B3GNT2: variants seen among roughly 807,000 people sequenced by gnomAD.
B3GNT2 encodes the protein UDP-GlcNAc:betaGal beta-1,3-N-acetylglucosaminyltransferase 2.
In B3GNT2, 12 loss-of-function variants were observed where a neutral mutation model predicts 27.6. That is an observed-to-expected ratio of 0.44 (90% CI 0.28 to 0.71). The LOEUF (loss-of-function observed/expected upper bound fraction) is 0.71, where lower values mean the gene tolerates loss of function less well. B3GNT2 is among the 30% of genes least tolerant of loss of function. The pLI, the probability that B3GNT2 is intolerant of heterozygous loss-of-function variation, is 0.17. For missense variants in B3GNT2, 413 were observed against 488.5 expected, an observed-to-expected ratio of 0.85 and a Z score of 1.46; for synonymous variants, 192 against 189.7, an observed-to-expected ratio of 1.01 and a Z score of -0.10.
intron 1 of B3GNT2, among the ~76,000 whole-genome samples, chr2:62,198,784 G>A (rs1414490654): frequency 1.3e-5 from 2 of 152,000 alleles, no homozygotes; most frequent in Non-Finnish European, 2.9e-5. Context: ...TGACTATACT[G>A]TTCAGATATG....
At chr2:62,215,147 T>C (rs770627650) in intron 1 of B3GNT2, among the ~76,000 whole-genome samples, 9 of 152,220 alleles carry the variant, frequency 5.9e-5, no homozygotes, top group Non-Finnish European at 1.0e-4. Flanking sequence ...CTTTGATCTA[T>C]AATGTTGCCT....
chr2:62,215,357 G>A (rs1674552966), intron 1 of B3GNT2, among the ~76,000 whole-genome samples: 1 of 152,148 alleles, frequency 6.6e-6, no homozygotes, highest in Admixed American at 6.5e-5. Flanking sequence ...AGGGAGTCCT[G>A]AGGCTCCCTT....
Position 62,209,131 on chromosome 2 carries a change from G to A in B3GNT2, c.-10+12776G>A, listed in dbSNP as rs190078936. Among the ~76,000 whole-genome samples, 4 of 152,260 alleles carry A rather than the reference G, an allele frequency of 2.6e-5. No homozygotes were observed. In the East Asian group the frequency reaches 7.7e-4, roughly 29 times the overall value. On this transcript the variant is annotated intron_variant, in intron 1 of 1. Transcript: ENST00000301998. ...CTAGTAGCTGGGATTACAGACATGAGCCACCATACCCGGCTAATTTCGGGC... is the reference window on the plus strand; with the variant it reads ...CTAGTAGCTGGGATTACAGACATGAACCACCATACCCGGCTAATTTCGGGC...
At chr2:62,209,786 T>A (rs2104197155) in intron 1 of B3GNT2, among the ~76,000 whole-genome samples, 2 of 152,284 alleles carry the variant, frequency 1.3e-5, no homozygotes, top group East Asian at 3.9e-4. Context: ...CTGATCTCCC[T>A]TCACTGCAGG....
intron 1 of B3GNT2, among the ~76,000 whole-genome samples, chr2:62,211,352 T>TC (rs1291373862): frequency 5.4e-5 from 8 of 148,186 alleles, no homozygotes; most frequent in Admixed American, 6.7e-5. Context: ...TAAGACCCTG[T>TC]CCCCCCCGTC....
chr2:62,217,045 T>TTTTG (rs1674589772), intron 1 of B3GNT2, among the ~76,000 whole-genome samples: 1 of 152,252 alleles, frequency 6.6e-6, no homozygotes, highest in Non-Finnish European at 1.5e-5. Flanking sequence ...GGGGGCTGCA[T>TTTTG]TTTGCCCAGA....
chr2:62,197,065 A>G (rs1183613555), intron 1 of B3GNT2, among the ~76,000 whole-genome samples: 1 of 146,612 alleles, frequency 6.8e-6, no homozygotes, highest in Non-Finnish European at 1.5e-5. Flanking sequence ...GCGTTGAATG[A>G]TTAACCAGGC....
intron 1 of B3GNT2, among the ~76,000 whole-genome samples, chr2:62,200,529 A>G (rs139241116): frequency 7.2e-5 from 11 of 152,342 alleles, no homozygotes; most frequent in Non-Finnish European, 8.8e-5. Context: ...TTTAGTGGTT[A>G]AGAGCATAAA....
chr2:62,205,645 A>G (rs983078949), intron 1 of B3GNT2, among the ~76,000 whole-genome samples: 14 of 152,100 alleles, frequency 9.2e-5, no homozygotes, highest in African/African-American at 3.1e-4. Flanking sequence ...ACATCACTAG[A>G]AGTGTTTTCC....
intron 1 of B3GNT2, among the ~76,000 whole-genome samples, chr2:62,198,918 A>C (rs1179898584): frequency 2.0e-5 from 3 of 152,148 alleles, no homozygotes; most frequent in African/African-American, 7.2e-5. Context: ...TGTTTCTCAA[A>C]CTTTGAAACT....
At chr2:62,197,865 G>C (rs1674184780) in intron 1 of B3GNT2, among the ~76,000 whole-genome samples, 1 of 152,230 alleles carries the variant, frequency 6.6e-6, no homozygotes, top group Non-Finnish European at 1.5e-5. Context: ...ACTTCCCATT[G>C]TCCTAACTCC....
intron 1 of B3GNT2, among the ~76,000 whole-genome samples, chr2:62,203,602 C>T (rs1171679518): frequency 2.6e-5 from 4 of 151,992 alleles, no homozygotes; most frequent in Non-Finnish European, 5.9e-5. Flanking sequence ...TGCGAAGATT[C>T]TAGAAGGTGA....
intron 1 of B3GNT2, among the ~76,000 whole-genome samples, chr2:62,196,576 CT>C (rs1446161570): frequency 6.6e-6 from 1 of 152,256 alleles, no homozygotes; most frequent in Non-Finnish European, 1.5e-5. Context: ...CCTCCCTTAC[CT>C]TCCCGCCGTC....
At chr2:62,198,463 C>G (rs1350305641) in intron 1 of B3GNT2, among the ~76,000 whole-genome samples, 2 of 152,172 alleles carry the variant, frequency 1.3e-5, no homozygotes, top group Non-Finnish European at 2.9e-5. Flanking sequence ...ATCGACTTCC[C>G]CTTACCAAAA....
At chr2:62,205,075 C>G (rs1573259832) in intron 1 of B3GNT2, among the ~76,000 whole-genome samples, 1 of 152,146 alleles carries the variant, frequency 6.6e-6, no homozygotes, top group Admixed American at 6.5e-5. Flanking sequence ...GGCAGACCGG[C>G]GAGATTGGAA....
intron 1 of B3GNT2, among the ~76,000 whole-genome samples, chr2:62,216,459 A>T (rs1674574569): frequency 6.6e-6 from 1 of 151,448 alleles, no homozygotes; most frequent in Admixed American, 6.6e-5. Flanking sequence ...AGCCTGGAGT[A>T]CGGTGGTACA....
intron 1 of B3GNT2, among the ~76,000 whole-genome samples, chr2:62,216,726 G>A (rs1461289760): frequency 2.0e-5 from 3 of 152,172 alleles, no homozygotes; most frequent in Non-Finnish European, 4.4e-5. Context: ...TTAATAGAAC[G>A]GTGGGACAGT....
chr2:62,222,817 A>G lies in B3GNT2; in HGVS notation c.597A>G (p.Lys199=). The G allele has an allele frequency of 1.9e-6, 3 of 1,614,176 alleles. No homozygotes were observed. The highest frequency in any genetic ancestry group is 2.5e-6 in the Non-Finnish European group (3 of 1,180,030). The stretch of plus-strand genomic sequence containing the variant: ...ACCCCGACCTTTCAGATATGCTGAA[A>G]TTTGAGAGTGAGAAGCACCAAGACA... ...DNHPDLSDML[K]FESEKHQDIL... The change falls in exon 2 of 2, where the codon AAA becomes AAG. Residue 199 remains lysine, a synonymous_variant. Transcript: ENST00000301998. The surrounding 1 kb of genome is among the most constrained non-coding windows in gnomAD (Gnocchi z 4.2).
At chr2:62,214,249 G>A (rs1364439875) in intron 1 of B3GNT2, among the ~76,000 whole-genome samples, 1 of 152,164 alleles carries the variant, frequency 6.6e-6, no homozygotes, top group Non-Finnish European at 1.5e-5. Context: ...GAGCAGGGAG[G>A]GTGTGTCCAG....
Sources: gnomAD v4.1 joint callset for allele counts (sites outside exome capture counted in the v4.1 genomes callset) on GRCh38, gnomAD v4.1.1 for gene constraint, Gnocchi (gnomAD v3.1) non-coding constraint, MANE v1.5 for transcripts, NCBI Gene and HGNC (gene_info 2026-07-23, HGNC 2026-07-21) for gene names.